Variants in ARHGEF10 observed in about 807,000 individuals in gnomAD.
ARHGEF10 encodes the protein Rho guanine nucleotide exchange factor (GEF) 10.
A neutral mutation model predicts 147.4 loss-of-function variants in ARHGEF10; 140 were observed. The ratio of observed to expected loss-of-function variants is 0.95; its 90% CI spans 0.83 to 1.09. The LOEUF is 1.09. Ranked by LOEUF, ARHGEF10 falls within the 50% of genes least tolerant of loss-of-function variation. The pLI is 0.00. For missense variants in ARHGEF10, 2,222 were observed against 1,752.7 expected (o/e 1.27, Z -4.78); for synonymous variants, 902 against 695.8 (o/e 1.30, Z -4.67).
rs781482865 is a variant in ARHGEF10, at chr8:1,909,324, G to C, written c.1997G>C (p.Ser666Thr). The part of the protein sequence containing the change: ...RPSHDSRVMS[S>T]QRYLLKWSVP... ...TCTCATGACAGCCGTGTGATGAGCA[G>C]CCAGAGGTACTTGCTGAAGTGGAGC... Residue 666 changes from serine to threonine, a missense_variant, in exon 18 of 29, where the codon AGC becomes ACC. By Grantham distance (58) the Ser-to-Thr change is moderately conservative. Coordinates refer to ENST00000349830, the MANE Select transcript of ARHGEF10 (RefSeq NM_014629.4). 6.2e-7 allele frequency: 1 copy of C among 1,614,242 alleles called. No individual in the cohort carries two copies. Among genetic ancestry groups the C allele is most frequent in the Non-Finnish European group, 8.5e-7 (1 of 1,180,046 alleles).
chr8:1,928,833 T>C (rs1812889421), intron 24 of ARHGEF10, among the ~76,000 whole-genome samples, 183 bp downstream of exon 24: 1 of 152,212 alleles, frequency 6.6e-6, no homozygotes. Flanking sequence ...ATTGGGCCCA[T>C]GGAAATTATT....
At chr8:1,951,372 C>T (rs185809039) in intron 27 of ARHGEF10, among the ~76,000 whole-genome samples, 1 of 152,350 alleles carries the variant, frequency 6.6e-6, no homozygotes, top group Admixed American at 6.5e-5. Flanking sequence ...GATTCACTAT[C>T]GCCCTGACCA....
At chr8:1,829,203 C>G (rs1020944166) in intron 1 of ARHGEF10, among the ~76,000 whole-genome samples, 1 of 152,200 alleles carries the variant, frequency 6.6e-6, no homozygotes, top group Non-Finnish European at 1.5e-5. Context: ...TAGACACAAC[C>G]CAGGGAGCTC....
chr8:1,908,699 G>A (rs1227985958), intron 17 of ARHGEF10, among the ~76,000 whole-genome samples: 1 of 151,562 alleles, frequency 6.6e-6, no homozygotes, highest in Non-Finnish European at 1.5e-5. Flanking sequence ...GGCGCAGGTC[G>A]TTTCCACTAG....
At chr8:1,876,977 C>T (rs1807763527) in intron 8 of ARHGEF10, among the ~76,000 whole-genome samples, 1 of 152,232 alleles carries the variant, frequency 6.6e-6, no homozygotes, top group Non-Finnish European at 1.5e-5. Flanking sequence ...CTTAAATGAG[C>T]TCACCACCTT....
At chr8:1,833,491 C>T (rs947783008) in intron 1 of ARHGEF10, among the ~76,000 whole-genome samples, 1 of 152,066 alleles carries the variant, frequency 6.6e-6, no homozygotes. Flanking sequence ...CAGGCTACAG[C>T]CCGGGGCCTT....
chr8:1,827,226 G>C (rs532501907), intron 1 of ARHGEF10, among the ~76,000 whole-genome samples: 108 of 152,364 alleles, frequency 7.1e-4, no homozygotes, highest in African/African-American at 2.5e-3. Flanking sequence ...CTCTGCTTCA[G>C]CCTGTTCATA....
intron 15 of ARHGEF10, among the ~76,000 whole-genome samples, chr8:1,900,326 T>TA (rs971840870): frequency 1.3e-5 from 2 of 152,136 alleles, no homozygotes; most frequent in African/African-American, 4.8e-5. Context: ...CTCCCACGTT[T>TA]CCATCCACCT....
intron 2 of ARHGEF10, among the ~76,000 whole-genome samples, chr8:1,856,335 A>G (rs1415923545): frequency 6.6e-6 from 1 of 152,216 alleles, no homozygotes; most frequent in Admixed American, 6.5e-5. Context: ...CCCAGGTGTC[A>G]TGGTCAGCTG....
Position 1,956,835 on chromosome 8 carries a change from A to G in ARHGEF10, c.3607A>G (p.Lys1203Glu). Residue 1203 changes from lysine to glutamate, a missense_variant, in exon 29 of 29, where the codon AAA (lysine) becomes GAA (glutamate). Transcript: ENST00000349830. Reference protein sequence around the residue: ...ATALHEKDKDKSRDSLAPGPE... With the variant: ...ATALHEKDKDESRDSLAPGPE... ...GGCTCTGCACGAGAAAGACAAGGACAAATCCAGGGACAGCCTGGCTCCTGG... is the reference window on the plus strand; with the variant it reads ...GGCTCTGCACGAGAAAGACAAGGACGAATCCAGGGACAGCCTGGCTCCTGG... 2 of 1,614,118 alleles carry G rather than the reference A, an allele frequency of 1.2e-6. No individual in the cohort carries two copies. Among genetic ancestry groups the G allele is most frequent in the Non-Finnish European group, 1.7e-6 (2 of 1,180,042 alleles).
chr8:1,898,627 G>A (rs1316951378), intron 15 of ARHGEF10, 102 bp downstream of exon 15: 7 of 1,174,674 alleles, frequency 6.0e-6, no homozygotes, highest in Admixed American at 1.9e-5. Flanking sequence ...CTGCCCCTCG[G>A]GCCTCCTCAT....
intron 7 of ARHGEF10, among the ~76,000 whole-genome samples, chr8:1,871,407 C>G (rs1422299990): frequency 6.6e-6 from 1 of 151,674 alleles, no homozygotes; most frequent in African/African-American, 2.4e-5. Flanking sequence ...TACTCTGTAA[C>G]TCATGGTCAA....
intron 11 of ARHGEF10, 36 bp downstream of exon 11, chr8:1,885,743 G>A (rs1490293596): frequency 6.9e-7 from 1 of 1,443,004 alleles, no homozygotes; most frequent in Admixed American, 1.7e-5. Context: ...CTGTTGACCA[G>A]CAGAGCTGTG....
chr8:1,940,815 G>C (rs1300916488), intron 26 of ARHGEF10, among the ~76,000 whole-genome samples: 2 of 152,142 alleles, frequency 1.3e-5, no homozygotes, highest in African/African-American at 4.8e-5. Flanking sequence ...AGATGGTTCA[G>C]GACGTGAAAA....
chr8:1,829,152 C>G (rs1802941825), intron 1 of ARHGEF10, among the ~76,000 whole-genome samples: 1 of 152,280 alleles, frequency 6.6e-6, no homozygotes, highest in Non-Finnish European at 1.5e-5. Context: ...CATGTCGGGC[C>G]TGAGCTGAGT....
At chr8:1,863,869 G>A (rs748928554) in intron 4 of ARHGEF10, among the ~76,000 whole-genome samples, 24 of 151,762 alleles carry the variant, frequency 1.6e-4, no homozygotes, top group South Asian at 6.4e-4. Context: ...GGATGTGAGC[G>A]TGTGCCAGTG....
intron 11 of ARHGEF10, among the ~76,000 whole-genome samples, chr8:1,890,729 A>T (rs1412012478): frequency 2.2e-5 from 3 of 137,290 alleles, no homozygotes; most frequent in Admixed American, 2.1e-4. Flanking sequence ...ACTGGGTAAG[A>T]GTCGAGGTTC....
At chr8:1,903,528 A>G in intron 16 of ARHGEF10, 77 bp downstream of exon 16, 1 of 1,569,614 alleles carries the variant, frequency 6.4e-7, no homozygotes, top group East Asian at 2.3e-5. Context: ...GTCCAGCAAT[A>G]CTAATCTTTT....
intron 1 of ARHGEF10, among the ~76,000 whole-genome samples, chr8:1,836,112 C>T (rs1803563709): frequency 6.6e-6 from 1 of 151,016 alleles, no homozygotes; most frequent in Non-Finnish European, 1.5e-5. Flanking sequence ...ACCCGGGAGG[C>T]AGAGCTTGCA....
Sources: allele counts gnomAD v4.1 joint callset (sites outside exome capture counted in the v4.1 genomes callset), GRCh38; gene constraint gnomAD v4.1.1; transcripts MANE v1.5; gene names NCBI Gene and HGNC (gene_info 2026-07-23, HGNC 2026-07-21).